Variants in ATP9B observed in about 807,000 individuals in gnomAD.
ATP9B encodes the protein ATPase phospholipid transporting 9B, also known as probable phospholipid-transporting ATPase IIB.
ATP9B carries 110 observed loss-of-function variants against 146.1 expected under a neutral mutation model. The ratio of observed to expected loss-of-function variants is 0.75; its 90% CI spans 0.65 to 0.88. The LOEUF (loss-of-function observed/expected upper bound fraction) is 0.88, where lower values mean the gene tolerates loss of function less well. Ranked by LOEUF, ATP9B falls within the 40% of genes least tolerant of loss-of-function variation. The pLI, the probability that ATP9B is intolerant of heterozygous loss-of-function variation, is 0.00. For missense variants in ATP9B, 1,499 were observed against 1,496.4 expected, an observed-to-expected ratio of 1.00 and a Z score of -0.03; for synonymous variants, 604 against 569.7, an observed-to-expected ratio of 1.06 and a Z score of -0.86.
intron 7 of ATP9B, among the ~76,000 whole-genome samples, chr18:79,156,897 G>A (rs1377321597): frequency 6.6e-6 from 1 of 152,180 alleles, no homozygotes; most frequent in Non-Finnish European, 1.5e-5. Flanking sequence ...AGCACAGACT[G>A]CTGCGTGGGA....
chr18:79,189,352 A>G (rs2095340484), intron 8 of ATP9B, among the ~76,000 whole-genome samples: 1 of 151,874 alleles, frequency 6.6e-6, no homozygotes, highest in South Asian at 2.1e-4. Context: ...ATCAAAAAAA[A>G]AAGATAATTT....
intron 15 of ATP9B, among the ~76,000 whole-genome samples, chr18:79,316,742 TAAG>T (rs2096682514): frequency 6.6e-6 from 1 of 151,902 alleles, no homozygotes; most frequent in Non-Finnish European, 1.5e-5. Flanking sequence ...AAAAACTCAG[TAAG>T]AAGAAGAACA....
chr18:79,200,945 C>T lies in ATP9B; in HGVS notation c.955-5992C>T, dbSNP rs557235794. On this transcript the variant is annotated intron_variant, in intron 9 of 29. Transcript: ENST00000426216. ...CTGCTTTAGGACGGTCGGTTGGCCTCTCAGGTGCAAGTGCCAAGTGTTGAG... is the reference window on the plus strand; with the variant it reads ...CTGCTTTAGGACGGTCGGTTGGCCTTTCAGGTGCAAGTGCCAAGTGTTGAG... 3.2e-3 allele frequency among the ~76,000 whole-genome samples: 483 copies of T among 152,290 alleles called. 2 individuals carry two copies. Among genetic ancestry groups the T allele is most frequent in the African/African-American group, 0.011 (463 of 41,544 alleles).
chr18:79,114,704 A>C (rs1050202501), intron 4 of ATP9B, among the ~76,000 whole-genome samples: 1 of 152,204 alleles, frequency 6.6e-6, no homozygotes, highest in African/African-American at 2.4e-5. Context: ...TAAATTAGTA[A>C]GATTGAAAGA....
At chr18:79,094,243 A>G (rs989242157) in intron 1 of ATP9B, among the ~76,000 whole-genome samples, 2 of 152,120 alleles carry the variant, frequency 1.3e-5, no homozygotes, top group African/African-American at 2.4e-5. Context: ...GTTTGGGCAC[A>G]TTTTTGCAGC....
Position 79,238,724 on chromosome 18 carries a change from G to C in ATP9B, c.1108-14657G>C, listed in dbSNP as rs118100119. 1.9e-3 allele frequency among the ~76,000 whole-genome samples: 295 copies of C among 152,324 alleles called. 2 individuals are homozygous for C. In the East Asian group the frequency reaches 0.03, roughly 15 times the overall value. Reference sequence around the variant, plus strand: ...TGTCTCTACCCTAACTCGAGCTATGGACAGGCAGCGAGTATGATTTTCCTC... The same window carrying C: ...TGTCTCTACCCTAACTCGAGCTATGCACAGGCAGCGAGTATGATTTTCCTC... On this transcript the variant is annotated intron_variant, in intron 11 of 29. Transcript: ENST00000426216.
At chr18:79,320,716 G>A (rs748897183) in intron 15 of ATP9B, among the ~76,000 whole-genome samples, 4 of 152,058 alleles carry the variant, frequency 2.6e-5, no homozygotes, top group African/African-American at 7.2e-5. Context: ...TCCAGCCCTC[G>A]TTGCTTGTAG....
At chr18:79,371,014 C>T (rs181623579) in intron 26 of ATP9B, among the ~76,000 whole-genome samples, 160 of 152,282 alleles carry the variant, frequency 1.1e-3, no homozygotes, top group African/African-American at 3.3e-3. Flanking sequence ...TTGGGAAATA[C>T]GTACCAAGAG....
intron 1 of ATP9B, among the ~76,000 whole-genome samples, chr18:79,073,384 C>T (rs559896950): frequency 5.7e-4 from 87 of 152,314 alleles, no homozygotes; most frequent in African/African-American, 1.9e-3. Flanking sequence ...CCCAGCACCC[C>T]GGGAGGCCGA....
intron 15 of ATP9B, among the ~76,000 whole-genome samples, chr18:79,327,682 C>T (rs1321188834): frequency 7.2e-5 from 10 of 139,308 alleles, no homozygotes; most frequent in East Asian, 2.3e-4. Context: ...CCGTGGTTAG[C>T]GTGCTCTCCG....
At chr18:79,229,896 CTT>C (rs931291379) in intron 11 of ATP9B, among the ~76,000 whole-genome samples, 6 of 152,064 alleles carry the variant, frequency 3.9e-5, no homozygotes, top group Non-Finnish European at 5.9e-5. Flanking sequence ...TTAATATACA[CTT>C]TGAATCATTT....
rs772552502 is a variant in ATP9B, at chr18:79,377,359, C to T, written c.3420C>T (p.Pro1140=). 2 of 1,609,818 alleles carry T rather than the reference C, an allele frequency of 1.2e-6. No individual in the cohort carries two copies. Among genetic ancestry groups the T allele is most frequent in the Admixed American group, 1.7e-5 (1 of 60,010 alleles). The part of the protein sequence containing the change: ...LKYLRRKLSP[P]SYCKLAS Reference sequence around the variant, plus strand: ...ACCTGAGGCGCAAGCTCTCTCCTCCCAGCTACTGCAAGCTGGCCTCCTAAG... The same window carrying T: ...ACCTGAGGCGCAAGCTCTCTCCTCCTAGCTACTGCAAGCTGGCCTCCTAAG... Residue 1140 remains proline (P), a synonymous_variant, in exon 30 of 30, where the codon CCC becomes CCT. Coordinates refer to ENST00000426216, the MANE Select transcript of ATP9B (RefSeq NM_198531.5).
chr18:79,312,755 C>T (rs1226686319), intron 15 of ATP9B, among the ~76,000 whole-genome samples: 1 of 152,118 alleles, frequency 6.6e-6, no homozygotes, highest in African/African-American at 2.4e-5. Flanking sequence ...AGCTAGTTTC[C>T]TATAGTTTAG....
At chr18:79,164,431 G>A (rs571480163) in intron 7 of ATP9B, among the ~76,000 whole-genome samples, 43 of 152,154 alleles carry the variant, frequency 2.8e-4, no homozygotes, top group African/African-American at 1.0e-3. Flanking sequence ...AAATAAAATT[G>A]GTGACTGGGC....
intron 5 of ATP9B, among the ~76,000 whole-genome samples, chr18:79,130,126 G>A (rs2094353147): frequency 6.6e-6 from 1 of 152,164 alleles, no homozygotes; most frequent in Non-Finnish European, 1.5e-5. Flanking sequence ...AATAGTAACT[G>A]CCCCTGAGGA....
intron 13 of ATP9B, among the ~76,000 whole-genome samples, chr18:79,290,478 A>G (rs1185818412): frequency 1.3e-5 from 2 of 152,220 alleles, no homozygotes; most frequent in African/African-American, 4.8e-5. Flanking sequence ...AAAGTGCAGT[A>G]TTCGGGTGGG....
Position 79,193,650 on chromosome 18 carries a change from GTTTC to G in ATP9B, c.954+391_954+394del, listed in dbSNP as rs1450765277. 4.6e-5 allele frequency among the ~76,000 whole-genome samples: 7 copies of G among 152,068 alleles called. 1 individual carries two copies. Among genetic ancestry groups the G allele is most frequent in the Admixed American group, 1.3e-4 (2 of 15,266 alleles). Reference sequence around the variant, plus strand: ...ATGTGAGTCTGTACATGCATGTTGTGTTTCTTTATACACATATGTATATTTCATG... The same window carrying G: ...ATGTGAGTCTGTACATGCATGTTGTGTTTATACACATATGTATATTTCATG... On this transcript the variant is annotated intron_variant, in intron 9 of 29. Coordinates refer to ENST00000426216, the MANE Select transcript of ATP9B (RefSeq NM_198531.5).
At chr18:79,313,413 C>T (rs573607028) in intron 15 of ATP9B, among the ~76,000 whole-genome samples, 57 of 151,976 alleles carry the variant, frequency 3.8e-4, no homozygotes, top group Non-Finnish European at 7.4e-4. Flanking sequence ...AAGAAGGGGT[C>T]GAACACATTG....
At chr18:79,307,990 G>A (rs746907110) in intron 15 of ATP9B, among the ~76,000 whole-genome samples, 1 of 152,044 alleles carries the variant, frequency 6.6e-6, no homozygotes, top group African/African-American at 2.4e-5. Context: ...GGGGCAGGGC[G>A]TACCTTCAGT....
Sources: allele counts gnomAD v4.1 joint callset (sites outside exome capture counted in the v4.1 genomes callset), GRCh38; gene constraint gnomAD v4.1.1; transcripts MANE v1.5; gene names NCBI Gene and HGNC (gene_info 2026-07-23, HGNC 2026-07-21).